The following GNG2 variants were observed in gnomAD, a reference collection of about 807,000 sequenced individuals.
The protein encoded by GNG2 is guanine nucleotide-binding protein G(I)/G(S)/G(O) subunit gamma-2.
In GNG2, 5 loss-of-function variants were observed where a neutral mutation model predicts 5.5. The observed-to-expected ratio is 0.91, with a 90% CI of 0.48 to 1.92. GNG2 has a LOEUF of 1.92. Ranked by LOEUF, GNG2 falls within the 30% of genes most tolerant of loss-of-function variation. The pLI is 0.01. For missense variants in GNG2, 55 were observed against 88.4 expected (o/e 0.62, Z 1.52); for synonymous variants, 28 against 32.0 (o/e 0.88, Z 0.42).
At chr14:51,851,310 C>T (rs1024241474) in intron 2 of GNG2, among the ~76,000 whole-genome samples, 4 of 152,244 alleles carry the variant, frequency 2.6e-5, no homozygotes, top group Non-Finnish European at 5.9e-5. Flanking sequence ...ACAAAATCTA[C>T]ACAGAAATCT....
chr14:51,888,067 T>C (rs1022708728), intron 2 of GNG2, among the ~76,000 whole-genome samples: 4 of 152,152 alleles, frequency 2.6e-5, no homozygotes, highest in Non-Finnish European at 5.9e-5. Context: ...TTTGACTGCA[T>C]ACACCCATGA....
At chr14:51,889,232 C>T (rs1016700966) in intron 2 of GNG2, among the ~76,000 whole-genome samples, 11 of 151,758 alleles carry the variant, frequency 7.2e-5, no homozygotes, top group Admixed American at 2.6e-4. Flanking sequence ...CCTGCCTCAG[C>T]CTCCCAAGTA....
At chr14:51,877,781 A>G in intron 2 of GNG2, 124 bp downstream of exon 2, 1 of 278,592 alleles carries the variant, frequency 3.6e-6, no homozygotes, top group South Asian at 3.2e-5. Context: ...ACAGTCATAG[A>G]GTCCTTATCA....
rs1454418319 is a variant in GNG2 at position 51,967,754 on chromosome 14, T to C, written c.*1067T>C. The C allele has an allele frequency of 6.6e-6, 1 of 152,106 alleles. No individual in the cohort carries two copies. Among genetic ancestry groups the C allele is most frequent in the Non-Finnish European group, 1.5e-5 (1 of 68,036 alleles). 9.4% of individuals were successfully genotyped at this position (152,106 alleles called of 1,614,324 possible). A position where few individuals can be genotyped will look rare whatever the true frequency, so the allele number is the denominator to read the frequency against. ...TTCACCATGAGCTGGGAAATGCTTTTGCCATGAGTATGAGCAAATTCCCTC... is the reference window on the plus strand; with the variant it reads ...TTCACCATGAGCTGGGAAATGCTTTCGCCATGAGTATGAGCAAATTCCCTC... On this transcript the variant is annotated 3_prime_UTR_variant, in exon 4 of 4. Transcript: ENST00000556766.
intron 1 of GNG2, among the ~76,000 whole-genome samples, chr14:51,827,223 C>A (rs1236341760): frequency 6.6e-6 from 1 of 152,204 alleles, no homozygotes; most frequent in African/African-American, 2.4e-5. Flanking sequence ...CTCTTTAAAG[C>A]CTTCCAGGTA....
chr14:51,925,500 T>C (rs1363191413), intron 2 of GNG2, among the ~76,000 whole-genome samples: 1 of 152,208 alleles, frequency 6.6e-6, no homozygotes, highest in African/African-American at 2.4e-5. Flanking sequence ...AATTAAAATG[T>C]GCACAAATTA....
intron 2 of GNG2, among the ~76,000 whole-genome samples, chr14:51,828,884 G>T (rs541829609): frequency 2.6e-5 from 4 of 152,080 alleles, no homozygotes; most frequent in African/African-American, 9.7e-5. Context: ...CTACCTCCCC[G>T]CTGCCTGGCA....
chr14:51,943,446 T>A (rs1447323057), intron 2 of GNG2, among the ~76,000 whole-genome samples: 1 of 152,248 alleles, frequency 6.6e-6, no homozygotes, highest in East Asian at 1.9e-4. Context: ...GAATATATGA[T>A]GTGTGTCTGT....
chr14:51,849,255 C>A (rs1881797558), intron 2 of GNG2, among the ~76,000 whole-genome samples: 1 of 152,196 alleles, frequency 6.6e-6, no homozygotes, highest in African/African-American at 2.4e-5. Flanking sequence ...ACTTGAGTGA[C>A]CTCACAACAT....
intron 3 of GNG2, among the ~76,000 whole-genome samples, chr14:51,959,972 T>A (rs1019637029): frequency 1.3e-5 from 2 of 152,212 alleles, no homozygotes; most frequent in African/African-American, 4.8e-5. Flanking sequence ...GTTTGATTTA[T>A]GTTTCTTCAT....
intron 2 of GNG2, among the ~76,000 whole-genome samples, chr14:51,836,474 TAAATA>T (rs1881335456): frequency 1.3e-5 from 2 of 152,276 alleles, no homozygotes; most frequent in South Asian, 2.1e-4. Context: ...CTTTGAGGGT[TAAATA>T]AAATAATGTA....
chr14:51,889,740 T>C (rs1344181931), intron 2 of GNG2, among the ~76,000 whole-genome samples: 1 of 152,194 alleles, frequency 6.6e-6, no homozygotes, highest in Non-Finnish European at 1.5e-5. Flanking sequence ...AAAATAAAAA[T>C]GTGACATCTA....
intron 3 of GNG2, among the ~76,000 whole-genome samples, chr14:51,963,431 C>T (rs888223327): frequency 6.6e-6 from 1 of 152,212 alleles, no homozygotes; most frequent in African/African-American, 2.4e-5. Flanking sequence ...ACTGTCTCCA[C>T]TGCCTAACAG....
chr14:51,892,375 G>A (rs1473572038), intron 2 of GNG2, among the ~76,000 whole-genome samples: 6 of 151,640 alleles, frequency 4.0e-5, no homozygotes, highest in South Asian at 4.2e-4. Flanking sequence ...GCTATGGCGC[G>A]ATCTTGGCGC....
intron 2 of GNG2, among the ~76,000 whole-genome samples, chr14:51,828,841 C>T (rs1881104421): frequency 6.6e-6 from 1 of 152,106 alleles, no homozygotes; most frequent in African/African-American, 2.4e-5. Flanking sequence ...ACCCCAGGGG[C>T]TCAGGGCTGG....
intron 2 of GNG2, among the ~76,000 whole-genome samples, chr14:51,928,225 T>C (rs1331271750): frequency 6.6e-6 from 1 of 151,852 alleles, no homozygotes; most frequent in Non-Finnish European, 1.5e-5. Flanking sequence ...AGAGACGGGG[T>C]TTCACCATGC....
At chr14:51,910,665 C>G (rs1364199891) in intron 2 of GNG2, among the ~76,000 whole-genome samples, 2 of 152,164 alleles carry the variant, frequency 1.3e-5, no homozygotes, top group African/African-American at 2.4e-5. Context: ...AGCTGAACAG[C>G]CTTGTCTGAG....
intron 2 of GNG2, among the ~76,000 whole-genome samples, chr14:51,840,064 G>A (rs1397533714): frequency 6.6e-6 from 1 of 152,160 alleles, no homozygotes; most frequent in Admixed American, 6.5e-5. Context: ...AGGGTACTGT[G>A]AAGGACTCCA....
chr14:51,961,478 G>T (rs966327881), intron 3 of GNG2, among the ~76,000 whole-genome samples: 2 of 152,160 alleles, frequency 1.3e-5, no homozygotes, highest in South Asian at 2.1e-4. Context: ...ACACAGGTGT[G>T]GTTCCTGCCT....
Sources: gnomAD v4.1 joint callset for allele counts (sites outside exome capture counted in the v4.1 genomes callset) on GRCh38, gnomAD v4.1.1 for gene constraint, MANE v1.5 for transcripts, NCBI Gene and HGNC (gene_info 2026-07-23, HGNC 2026-07-21) for gene names.